The following FBN2 variants were observed in gnomAD, a reference collection of about 807,000 sequenced individuals.
FBN2 encodes the protein fibrillin-2.
A neutral mutation model predicts 355.6 loss-of-function variants in FBN2; 105 were observed. That is an observed-to-expected ratio of 0.30 (90% CI 0.25 to 0.35). FBN2 has a LOEUF of 0.35. FBN2 is among the 10% of genes least tolerant of loss of function. The probability of loss-of-function intolerance (pLI) is 1.00; values close to 1 mark genes in which losing one functional copy is unlikely to be tolerated. For missense variants in FBN2, 3,280 were observed against 3,758.7 expected, an observed-to-expected ratio of 0.87 and a Z score of 3.33; for synonymous variants, 1,350 against 1,301.2, an observed-to-expected ratio of 1.04 and a Z score of -0.81.
intron 5 of FBN2, among the ~76,000 whole-genome samples, chr5:128,485,980 C>T (rs924194955): frequency 2.6e-5 from 4 of 152,096 alleles, no homozygotes; most frequent in African/African-American, 4.8e-5. Context: ...GAATTCTGTC[C>T]TATTTTCCAG....
At position 128,395,102 on chromosome 5, in the gene FBN2, A is replaced by T. The variant is rs1198153907; in HGVS notation, c.1231+20T>A. 6.2e-7 allele frequency: 1 copy of T among 1,613,680 alleles called. No homozygotes were observed. ...TCCTAACAGTGTCTGTGCTGAGGAGACTAACAGCCAGCCACGTACCAGAAC... is the reference window on the plus strand; with the variant it reads ...TCCTAACAGTGTCTGTGCTGAGGAGTCTAACAGCCAGCCACGTACCAGAAC... On this transcript the variant is annotated intron_variant, in intron 9 of 64. Coordinates refer to ENST00000262464, the MANE Select transcript of FBN2 (RefSeq NM_001999.4).
chr5:128,506,973 A>T (rs902376492), intron 5 of FBN2, among the ~76,000 whole-genome samples: 1 of 152,060 alleles, frequency 6.6e-6, no homozygotes, highest in African/African-American at 2.4e-5. Context: ...CATATTATTG[A>T]TACATTTGCT....
Position 128,276,076 on chromosome 5 carries a change from C to T in FBN2, c.7556G>A (p.Arg2519Lys). ...TEGSYQCSCP[R>K]GYVLQEDGKT... The stretch of plus-strand genomic sequence containing the variant: ...TCCATCCTCTTGCAGGACATACCCC[C>T]TCGGACATGAACACTGATAACTCCC... The change falls in exon 59 of 65, where the codon AGG (arginine) becomes AAG (lysine). Residue 2519 changes from arginine to lysine, a missense_variant. Physicochemically the swap from Arg to Lys is conservative, Grantham distance 26. This residue lies in a region of FBN2 where 2,284 missense variants were observed against 2,749.5 expected (regional missense o/e 0.83). Coordinates refer to ENST00000262464, the MANE Select transcript of FBN2 (RefSeq NM_001999.4). The T allele has an allele frequency of 6.2e-7, 1 of 1,613,896 alleles. No individual in the cohort carries two copies. The highest frequency in any genetic ancestry group is 8.5e-7 in the Non-Finnish European group (1 of 1,179,810).
intron 42 of FBN2, 109 bp downstream of exon 42, chr5:128,307,026 T>A (rs1195718323): frequency 9.1e-6 from 7 of 767,340 alleles, no homozygotes; most frequent in Non-Finnish European, 1.4e-5. Flanking sequence ...TTAGATTGGA[T>A]CCCAGATTAT....
chr5:128,466,053 T>A (rs1754702223), intron 5 of FBN2, among the ~76,000 whole-genome samples: 1 of 152,202 alleles, frequency 6.6e-6, no homozygotes, highest in Non-Finnish European at 1.5e-5. Context: ...TCAGTGAAAC[T>A]TTTCGATGAT....
intron 5 of FBN2, among the ~76,000 whole-genome samples, chr5:128,477,291 T>C (rs1352285512): frequency 1.3e-5 from 2 of 152,146 alleles, no homozygotes; most frequent in African/African-American, 4.8e-5. Context: ...TTTCAATGCA[T>C]ATTGGAGTAG....
chr5:128,287,531 T>C (rs183512565), intron 53 of FBN2, 101 bp from the exon 54 acceptor site: 7 of 1,280,662 alleles, frequency 5.5e-6, no homozygotes, highest in South Asian at 4.9e-5. Context: ...CACAAAGCAA[T>C]AGAATAGTAG....
rs1196610611 is a variant in FBN2, at chr5:128,537,496, C to T, written c.108G>A (p.Lys36=). The change falls in exon 1 of 65, where the codon AAG becomes AAA. Residue 36 remains lysine (K), a synonymous_variant. Coordinates refer to ENST00000262464, the MANE Select transcript of FBN2 (RefSeq NM_001999.4). Reference sequence around the variant, plus strand: ...GCGGCGGCGGCTGGGGCCGGGGCGGCTTGGGCGGAGGAGGCTGAGGCTGGC... The same window carrying T: ...GCGGCGGCGGCTGGGGCCGGGGCGGTTTGGGCGGAGGAGGCTGAGGCTGGC... ...TAGQPQPPPP[K]PPRPQPPPQQ... 6.3e-7 allele frequency: 1 copy of T among 1,585,464 alleles called. No individual in the cohort carries two copies. Among genetic ancestry groups the T allele is most frequent in the South Asian group, 1.1e-5 (1 of 87,882 alleles).
At chr5:128,408,912 A>T in intron 7 of FBN2, 113 bp from the exon 8 acceptor site, 2 of 1,137,650 alleles carry the variant, frequency 1.8e-6, no homozygotes, top group Non-Finnish European at 2.6e-6. Context: ...AGGTCAGATC[A>T]TATAACCCTG....
chr5:128,537,298 T>C (rs1756877814), intron 1 of FBN2, 52 bp downstream of exon 1: 6 of 1,601,722 alleles, frequency 3.7e-6, no homozygotes, highest in African/African-American at 1.3e-5. Context: ...AACTGAGGAT[T>C]CCCCCCTCCC....
chr5:128,305,721 C>G, intron 43 of FBN2, 85 bp from the exon 44 acceptor site: 2 of 1,600,580 alleles, frequency 1.2e-6, no homozygotes, highest in Non-Finnish European at 1.7e-6. Flanking sequence ...ATGATCAACT[C>G]TTGAAAAATT....
chr5:128,435,296 GC>G (rs1201464653), intron 7 of FBN2, among the ~76,000 whole-genome samples: 1 of 152,102 alleles, frequency 6.6e-6, no homozygotes, highest in African/African-American at 2.4e-5. Flanking sequence ...TCATTTCATT[GC>G]CTGTTAATAC....
rs762327764 is a variant in FBN2, at chr5:128,288,470, C to T, written c.6725G>A (p.Gly2242Asp). 6.2e-7 allele frequency: 1 copy of T among 1,613,976 alleles called. No individual in the cohort carries two copies. Reference sequence around the variant, plus strand: ...ATTCATCATGGGCCCTGGCTCAAAGCCTTCATTGCAATTGCATTCAAAACT... The same window carrying T: ...ATTCATCATGGGCCCTGGCTCAAAGTCTTCATTGCAATTGCATTCAAAACT... ...IGSFECNCNE[G>D]FEPGPMMNCE... The change falls in exon 53 of 65, where the codon GGC becomes GAC. Residue 2242 changes from glycine (G) to aspartate (D), a missense_variant. Around this residue, in one of 6 missense-constraint regions of FBN2, gnomAD observed 2,284 missense variants for 2,749.5 expected, o/e 0.83. Coordinates refer to ENST00000262464, the MANE Select transcript of FBN2 (RefSeq NM_001999.4).
chr5:128,375,469 A>T (rs1752055735), intron 14 of FBN2, among the ~76,000 whole-genome samples: 1 of 152,196 alleles, frequency 6.6e-6, no homozygotes, highest in Non-Finnish European at 1.5e-5. Context: ...AATCTAAATC[A>T]GCTAACCCTG....
intron 25 of FBN2, among the ~76,000 whole-genome samples, chr5:128,340,842 T>C (rs1750998454): frequency 6.6e-6 from 1 of 152,058 alleles, no homozygotes; most frequent in Non-Finnish European, 1.5e-5. Flanking sequence ...TCTCTATATA[T>C]ATATGCAAAC....
At chr5:128,350,488 T>C (rs1441060521) in intron 21 of FBN2, among the ~76,000 whole-genome samples, 1 of 151,754 alleles carries the variant, frequency 6.6e-6, no homozygotes, top group African/African-American at 2.4e-5. Context: ...GAGGTGGAGG[T>C]TGCAATGAGC....
At chr5:128,501,331 T>C (rs1484563907) in intron 5 of FBN2, among the ~76,000 whole-genome samples, 3 of 152,144 alleles carry the variant, frequency 2.0e-5, no homozygotes, top group African/African-American at 4.8e-5. Context: ...CCTTTCCTCA[T>C]AGGGGCTCAG....
chr5:128,318,128 GT>G lies in FBN2; in HGVS notation c.4717+20del. Reference sequence around the variant, plus strand: ...TTCAACTTGATAATTCTATTTGTTTGTTTCATATAGCTTTACTTACCAACAC... The same window carrying G: ...TTCAACTTGATAATTCTATTTGTTTGTTCATATAGCTTTACTTACCAACAC... On this transcript the variant is annotated intron_variant, in intron 36 of 64. Transcript: ENST00000262464. The G allele has an allele frequency of 6.2e-7, 1 of 1,613,158 alleles. No individual in the cohort carries two copies.
At chr5:128,263,377 T>G in intron 63 of FBN2, 48 bp downstream of exon 63, 1 of 1,443,666 alleles carries the variant, frequency 6.9e-7, no homozygotes, top group African/African-American at 1.4e-5. Context: ...CTGAACTCAC[T>G]CAGGAACCAT....
Sources: allele counts gnomAD v4.1 joint callset (sites outside exome capture counted in the v4.1 genomes callset), GRCh38; gene constraint gnomAD v4.1.1; regional missense constraint gnomAD v4.1.1; transcripts MANE v1.5; gene names NCBI Gene and HGNC (gene_info 2026-07-23, HGNC 2026-07-21).